ASTN2: variants seen among roughly 807,000 people sequenced by gnomAD.
ASTN2 encodes astrotactin 2.
Under a neutral mutation model 139.8 loss-of-function variants are expected in ASTN2, and 54 were observed. That is an observed-to-expected ratio of 0.39 (90% CI 0.31 to 0.48). The LOEUF (loss-of-function observed/expected upper bound fraction) is 0.48, where lower values mean the gene tolerates loss of function less well. Ranked by LOEUF, ASTN2 falls within the 20% of genes least tolerant of loss-of-function variation. ASTN2 has a pLI of 0.95. For missense variants in ASTN2, 1,565 were observed against 1,725.1 expected, an observed-to-expected ratio of 0.91 and a Z score of 1.64; for synonymous variants, 756 against 719.5, an observed-to-expected ratio of 1.05 and a Z score of -0.81.
chr9:116,783,110 G>C (rs915908924), intron 13 of ASTN2, among the ~76,000 whole-genome samples: 1 of 152,106 alleles, frequency 6.6e-6, no homozygotes, highest in African/African-American at 2.4e-5. Flanking sequence ...TCCACAGATG[G>C]GCATATATCG....
chr9:117,311,280 G>C (rs1243378973), intron 1 of ASTN2, among the ~76,000 whole-genome samples: 1 of 150,092 alleles, frequency 6.7e-6, no homozygotes, highest in Admixed American at 6.6e-5. Context: ...GAAGATGACA[G>C]AACGTTTATA....
intron 1 of ASTN2, among the ~76,000 whole-genome samples, chr9:117,321,639 G>T (rs2130832042): frequency 6.6e-6 from 1 of 152,298 alleles, no homozygotes; most frequent in African/African-American, 2.4e-5. Flanking sequence ...GGATATTTGG[G>T]CAAGGAGTGG....
intron 22 of ASTN2, among the ~76,000 whole-genome samples, chr9:116,428,461 T>A (rs1588047929): frequency 6.6e-6 from 1 of 151,576 alleles, no homozygotes; most frequent in South Asian, 2.1e-4. Flanking sequence ...AAGGCGGAGG[T>A]TACAGTGAAC....
intron 19 of ASTN2, chr9:116,584,522 C>A (rs1369550537): frequency 6.6e-6 from 1 of 152,082 alleles, no homozygotes; most frequent in East Asian, 1.9e-4. Flanking sequence ...GCTTTTGCAG[C>A]AAACTAGAAA....
intron 1 of ASTN2, among the ~76,000 whole-genome samples, chr9:117,328,910 G>C (rs1055079268): frequency 6.6e-6 from 1 of 152,226 alleles, no homozygotes; most frequent in Non-Finnish European, 1.5e-5. Context: ...TGGATGCCCT[G>C]TGGAGGTTAA....
intron 4 of ASTN2, among the ~76,000 whole-genome samples, chr9:117,132,968 T>A (rs1425317775): frequency 6.6e-6 from 1 of 152,164 alleles, no homozygotes; most frequent in Non-Finnish European, 1.5e-5. Context: ...CATCCCCAGA[T>A]ACTGGGGATG....
rs556321846 is a variant in ASTN2, at chr9:117,043,430, T to G, written c.1277-3465A>C. Reference sequence around the variant, plus strand: ...CAACCAGCCTATGTGGCCAAGATCTTTCTTTCACTAATTAACAAACTACCA... The same window carrying G: ...CAACCAGCCTATGTGGCCAAGATCTGTCTTTCACTAATTAACAAACTACCA... On this transcript the variant is annotated intron_variant, in intron 5 of 22. Coordinates refer to ENST00000313400, the MANE Select transcript of ASTN2 (RefSeq NM_001365068.1). Among the ~76,000 whole-genome samples the G allele has an allele frequency of 3.2e-4, 49 of 152,238 alleles. 1 individual carries two copies. In the South Asian group the frequency reaches 0.01, roughly 32 times the overall value.
At chr9:117,103,303 G>A (rs188075645) in intron 4 of ASTN2, among the ~76,000 whole-genome samples, 107 of 152,210 alleles carry the variant, frequency 7.0e-4, no homozygotes, top group African/African-American at 2.5e-3. Flanking sequence ...GCTTAGCAAA[G>A]CCTTCTACAT....
chr9:116,723,574 C>T (rs7030328), intron 16 of ASTN2, among the ~76,000 whole-genome samples: 2,420 of 152,264 alleles, frequency 0.016, 58 homozygotes, highest in African/African-American at 0.056. Context: ...GGCAGTGACA[C>T]ATAACTCATG....
intron 20 of ASTN2, among the ~76,000 whole-genome samples, chr9:116,475,412 G>T (rs1353350053): frequency 3.4e-5 from 5 of 148,384 alleles, no homozygotes; most frequent in African/African-American, 1.2e-4. Context: ...GCTGCCCTGA[G>T]CATGGGGCTC....
intron 1 of ASTN2, among the ~76,000 whole-genome samples, chr9:117,336,340 T>G (rs1564153002): frequency 6.6e-6 from 1 of 152,150 alleles, no homozygotes; most frequent in Non-Finnish European, 1.5e-5. Context: ...CTTTGTTTCC[T>G]TGACATTCAG....
intron 5 of ASTN2, among the ~76,000 whole-genome samples, chr9:117,089,538 T>G (rs1335956086): frequency 6.6e-6 from 1 of 152,196 alleles, no homozygotes. Context: ...CTTTATTATT[T>G]TTTTTCATAG....
chr9:116,665,920 A>C (rs904304756), intron 16 of ASTN2, among the ~76,000 whole-genome samples: 2 of 152,234 alleles, frequency 1.3e-5, no homozygotes, highest in Non-Finnish European at 2.9e-5. Context: ...GACTGCTAGG[A>C]GACAAACATA....
intron 2 of ASTN2, among the ~76,000 whole-genome samples, chr9:117,263,579 C>A (rs1380291237): frequency 6.6e-6 from 1 of 152,186 alleles, no homozygotes; most frequent in Non-Finnish European, 1.5e-5. Context: ...CCTGAGGCCA[C>A]ACAGGACAAT....
At chr9:117,108,898 G>A (rs1829176546) in intron 4 of ASTN2, among the ~76,000 whole-genome samples, 1 of 152,020 alleles carries the variant, frequency 6.6e-6, no homozygotes, top group African/African-American at 2.4e-5. Flanking sequence ...TTCACATATT[G>A]ACCATGTAAA....
At chr9:116,661,455 G>C (rs936899251) in intron 16 of ASTN2, among the ~76,000 whole-genome samples, 10 of 152,174 alleles carry the variant, frequency 6.6e-5, no homozygotes, top group African/African-American at 2.4e-4. Flanking sequence ...TTCAGTGCCA[G>C]GTTTACAGCT....
intron 17 of ASTN2, among the ~76,000 whole-genome samples, chr9:116,642,132 C>CAAA (rs1252642911): frequency 0.1 from 4,900 of 48,712 alleles, 928 homozygotes; most frequent in South Asian, 0.36. Flanking sequence ...TCCCAACCCA[C>CAAA]AAAAAAAAAA....
chr9:117,182,843 C>T (rs1399349999), intron 3 of ASTN2, among the ~76,000 whole-genome samples: 1 of 152,124 alleles, frequency 6.6e-6, no homozygotes. Context: ...GCCACATTGG[C>T]CTTCTAGGCC....
intron 12 of ASTN2, among the ~76,000 whole-genome samples, chr9:116,815,828 A>G (rs371988779): frequency 7.5e-5 from 11 of 145,878 alleles, no homozygotes; most frequent in Non-Finnish European, 4.5e-5. Context: ...AAAAAAAAAA[A>G]GTTGATGAAA....
Sources: allele counts gnomAD v4.1 joint callset (sites outside exome capture counted in the v4.1 genomes callset), GRCh38; gene constraint gnomAD v4.1.1; transcripts MANE v1.5; gene names NCBI Gene and HGNC (gene_info 2026-07-23, HGNC 2026-07-21).